FRMD8: variants seen among roughly 807,000 people sequenced by gnomAD.
FRMD8 encodes the protein FERM domain containing 8, also known as FERM domain-containing protein 8.
Under a neutral mutation model 54.2 loss-of-function variants are expected in FRMD8, and 37 were observed. The observed-to-expected ratio is 0.68, with a 90% CI of 0.53 to 0.90. The LOEUF (loss-of-function observed/expected upper bound fraction) is 0.90. Among genes scored for constraint, FRMD8 ranks in the 40% least tolerant of loss-of-function variants. The probability of loss-of-function intolerance (pLI) is 0.00; values close to 1 mark genes in which losing one functional copy is unlikely to be tolerated. For missense variants in FRMD8, 585 were observed against 653.7 expected (o/e 0.89, Z 1.15); for synonymous variants, 246 against 286.9 (o/e 0.86, Z 1.44).
intron 2 of FRMD8, among the ~76,000 whole-genome samples, chr11:65,387,462 C>T (rs544661713): frequency 1.3e-5 from 2 of 152,122 alleles, no homozygotes; most frequent in African/African-American, 2.4e-5. Flanking sequence ...CCCAGGAGTT[C>T]GAGACCAGCC....
intron 2 of FRMD8, among the ~76,000 whole-genome samples, chr11:65,388,394 G>A (rs116571826): frequency 0.034 from 5,210 of 152,200 alleles, 341 homozygotes; most frequent in African/African-American, 0.12. Flanking sequence ...CTGGGGGTCC[G>A]AGGAGCACCT....
chr11:65,404,379 C>T lies in FRMD8; in HGVS notation c.1072-485C>T, dbSNP rs1190963177. Among the ~76,000 whole-genome samples, 2 of 152,178 alleles carry T rather than the reference C, an allele frequency of 1.3e-5. No individual in the cohort carries two copies. Among genetic ancestry groups the T allele is most frequent in the African/African-American group, 4.8e-5 (2 of 41,428 alleles). ...CTGCATCTTTTCTGTCAGTGTGCCT[C>T]ATGCTTCACACCTGTTGAGTAGGAG... On this transcript the variant is annotated intron_variant, in intron 9 of 10. Coordinates refer to ENST00000317568, the MANE Select transcript of FRMD8 (RefSeq NM_031904.5). This position sits in a 1 kb window ranked among gnomAD's most constrained non-coding sequence, Gnocchi z 4.7.
At chr11:65,402,421 G>A (rs1438417473) in intron 9 of FRMD8, among the ~76,000 whole-genome samples, 1 of 151,550 alleles carries the variant, frequency 6.6e-6, no homozygotes, top group Non-Finnish European at 1.5e-5. Flanking sequence ...GGCTGTACAT[G>A]TGTGGGTCTG....
intron 6 of FRMD8, 121 bp downstream of exon 6, chr11:65,394,546 C>G (rs1855910146): frequency 5.8e-6 from 7 of 1,210,522 alleles, no homozygotes; most frequent in Non-Finnish European, 8.0e-6. Context: ...CAGGAGGCCT[C>G]AGCCCCGCAG....
chr11:65,376,793 C>CA, the FRMD8 span: 1 of 1,614,242 alleles, frequency 6.2e-7, no homozygotes, highest in Non-Finnish European at 8.5e-7. Context: ...CTCTGTCCCC[C>CA]ATCCTCTCAC....
intron 2 of FRMD8, among the ~76,000 whole-genome samples, chr11:65,387,749 A>G (rs1855762637): frequency 6.6e-6 from 1 of 152,018 alleles, no homozygotes; most frequent in African/African-American, 2.4e-5. Flanking sequence ...CGTGTTAGCC[A>G]GGATGGTCTC....
At chr11:65,375,761 G>A in the FRMD8 span, 5 of 152,532 alleles carry the variant, frequency 3.3e-5, no homozygotes, top group East Asian at 9.7e-4. Context: ...GAGTCTCAGA[G>A]CTCCTTAAGA....
chr11:65,395,852 G>T (rs1192320679), intron 6 of FRMD8, among the ~76,000 whole-genome samples: 2 of 152,244 alleles, frequency 1.3e-5, no homozygotes, highest in South Asian at 4.1e-4. Context: ...ATGTTGCTCT[G>T]AAACCCTCCT....
At chr11:65,403,451 G>A (rs999020271) in intron 9 of FRMD8, among the ~76,000 whole-genome samples, 1 of 152,224 alleles carries the variant, frequency 6.6e-6, no homozygotes, top group Non-Finnish European at 1.5e-5. Flanking sequence ...CCAAAGTGTT[G>A]GGATTACAGG....
At chr11:65,382,334 A>C, upstream of FRMD8, 1 of 263,274 alleles carries the variant, frequency 3.8e-6, no homozygotes, top group Non-Finnish European at 7.6e-6. The surrounding 1 kb of genome is among the most constrained non-coding windows in gnomAD (Gnocchi z 4.4). Context: ...GCCCAGCTCC[A>C]CTCCCATTCA....
chr11:65,410,280 G>A (rs557416477), intron 10 of FRMD8, among the ~76,000 whole-genome samples: 3 of 152,224 alleles, frequency 2.0e-5, no homozygotes, highest in South Asian at 2.1e-4. Flanking sequence ...GGTGGATCAT[G>A]AGGTCAAGAG....
rs1197201308 is a variant in FRMD8 at position 65,399,818 on chromosome 11, A to G, written c.886A>G (p.Ile296Val). The change falls in exon 8 of 11, where the codon ATC (isoleucine) becomes GTC (valine). Residue 296 changes from isoleucine (I) to valine (V), a missense_variant. Transcript: ENST00000317568. ...TGGGCGCAAGCCAGTTTCTGTGGCC[A>G]TCAGTCTGGAAGGCGTGCACGTCAT... ...RGGRKPVSVA[I>V]SLEGVHVIDS... is the part of the protein sequence containing the mutation. The G allele has an allele frequency of 6.2e-7, 1 of 1,614,042 alleles. No individual in the cohort carries two copies.
At chr11:65,386,196 AGAG>A (rs1164576786), upstream of FRMD8, among the ~76,000 whole-genome samples, 2 of 152,340 alleles carry the variant, frequency 1.3e-5, no homozygotes, top group Non-Finnish European at 2.9e-5. Context: ...ACTGAGGCCC[AGAG>A]GAGAAGGGAC....
the FRMD8 span, chr11:65,378,139 G>A: frequency 6.6e-6 from 1 of 152,172 alleles, no homozygotes; most frequent in Non-Finnish European, 1.5e-5. Context: ...GGCTTCAGGA[G>A]GTGTTCTGAG....
chr11:65,388,690 T>C (rs1461470644), intron 2 of FRMD8, among the ~76,000 whole-genome samples: 1 of 152,208 alleles, frequency 6.6e-6, no homozygotes, highest in African/African-American at 2.4e-5. Flanking sequence ...CTCAGCTATT[T>C]GGGCTGTTCT....
rs1366431931 is a variant in FRMD8 at position 65,397,097 on chromosome 11, G to A, written c.803+77G>A. On this transcript the variant is annotated intron_variant, in intron 7 of 10. Transcript: ENST00000317568. ...GCTTTGCTAGCACAGCTGCCAGTGA[G>A]CCCACCTCTGCTCCAGCTGAGCTGT... The A allele has an allele frequency of 5.2e-6, 4 of 768,688 alleles. No individual in the cohort carries two copies. The African/African-American group carries it at 7.3e-5, about 14-fold the overall frequency. The allele number at this position is 768,688 out of a possible 1,614,324, so 47.6% of individuals were successfully genotyped here.
At chr11:65,382,332 C>A, upstream of FRMD8, 1 of 283,730 alleles carries the variant, frequency 3.5e-6, no homozygotes. This position sits in a 1 kb window ranked among gnomAD's most constrained non-coding sequence, Gnocchi z 4.4. Context: ...CAGCCCAGCT[C>A]CACTCCCATT....
chr11:65,398,266 G>A (rs1472721781), intron 7 of FRMD8, among the ~76,000 whole-genome samples: 1 of 152,228 alleles, frequency 6.6e-6, no homozygotes, highest in Non-Finnish European at 1.5e-5. Context: ...CCACAGCACT[G>A]GGATCATACG....
chr11:65,405,538 G>A (rs907052077), intron 10 of FRMD8, among the ~76,000 whole-genome samples: 2 of 152,154 alleles, frequency 1.3e-5, no homozygotes, highest in South Asian at 2.1e-4. Context: ...CAGGAAAAAC[G>A]CTTGAACCCA....
Sources: gnomAD v4.1 joint callset for allele counts (sites outside exome capture counted in the v4.1 genomes callset) on GRCh38, gnomAD v4.1.1 for gene constraint, Gnocchi (gnomAD v3.1) non-coding constraint, MANE v1.5 for transcripts, NCBI Gene and HGNC (gene_info 2026-07-23, HGNC 2026-07-21) for gene names.